The following DNAH12 variants were observed in gnomAD, a reference collection of about 807,000 sequenced individuals.
DNAH12 encodes the protein dynein axonemal heavy chain 12.
DNAH12 carries 285 observed loss-of-function variants against 371.5 expected under a neutral mutation model. The ratio of observed to expected loss-of-function variants is 0.77; its 90% CI spans 0.70 to 0.85. The LOEUF is 0.85. Ranked by LOEUF, DNAH12 falls within the 40% of genes least tolerant of loss-of-function variation. The probability of loss-of-function intolerance (pLI) is 0.00; values close to 1 mark genes in which losing one functional copy is unlikely to be tolerated. For missense variants in DNAH12, 3,611 were observed against 3,689.4 expected, an observed-to-expected ratio of 0.98 and a Z score of 0.55; for synonymous variants, 1,200 against 1,213.0, an observed-to-expected ratio of 0.99 and a Z score of 0.22.
At chr3:57,309,915 G>A (rs1027051519) in intron 67 of DNAH12, 61 bp from the exon 68 acceptor site, 6 of 1,401,632 alleles carry the variant, frequency 4.3e-6, no homozygotes, top group Admixed American at 4.9e-5. Flanking sequence ...GGGATGATCA[G>A]GATACGCTAC....
intron 55 of DNAH12, among the ~76,000 whole-genome samples, chr3:57,371,625 C>T (rs1367973308): frequency 6.6e-6 from 1 of 151,418 alleles, no homozygotes; most frequent in Non-Finnish European, 1.5e-5. Flanking sequence ...TGCACTACTA[C>T]ACTCCAGCCT....
intron 15 of DNAH12, among the ~76,000 whole-genome samples, 164 bp downstream of exon 15, chr3:57,471,308 A>G (rs1030558561): frequency 6.7e-6 from 1 of 149,354 alleles, no homozygotes; most frequent in African/African-American, 2.4e-5. Context: ...ACTATATATT[A>G]TAGTATTAGA....
Position 57,298,557 on chromosome 3 carries a change from CTTA to C in DNAH12, c.11395-1576_11395-1574del, listed in dbSNP as rs564663085. On this transcript the variant is annotated intron_variant, in intron 70 of 73. Coordinates refer to ENST00000495027, the MANE Select transcript of DNAH12 (RefSeq NM_001366028.2). ...CATGAGGGAACAAACTTCATTTTTG[CTTA>C]TGTCAGAATTTTTGTTACTTATAAT... Among the ~76,000 whole-genome samples the C allele has an allele frequency of 1.1e-4, 16 of 152,320 alleles. No homozygotes were observed. The South Asian group carries it at 3.3e-3, about 32-fold the overall frequency.
At chr3:57,510,556 C>T (rs1030798165) in intron 5 of DNAH12, among the ~76,000 whole-genome samples, 1 of 152,046 alleles carries the variant, frequency 6.6e-6, no homozygotes, top group Non-Finnish European at 1.5e-5. Flanking sequence ...AGGGGAATCG[C>T]TTCAACTCAG....
intron 4 of DNAH12, among the ~76,000 whole-genome samples, chr3:57,522,897 T>C (rs919665009): frequency 2.0e-5 from 3 of 152,082 alleles, no homozygotes; most frequent in Admixed American, 2.0e-4. Context: ...AGATTCTAAA[T>C]ACATATTTGC....
chr3:57,402,836 CAA>C (rs1402384627), intron 43 of DNAH12, among the ~76,000 whole-genome samples: 5 of 152,220 alleles, frequency 3.3e-5, no homozygotes, highest in Non-Finnish European at 7.4e-5. Context: ...ATTCCCAACA[CAA>C]AAAGATCGAT....
At chr3:57,399,031 T>C (rs2063801884) in intron 43 of DNAH12, among the ~76,000 whole-genome samples, 1 of 152,004 alleles carries the variant, frequency 6.6e-6, no homozygotes, top group African/African-American at 2.4e-5. Context: ...GAACAAAAAA[T>C]GGGGGAGGGG....
intron 58 of DNAH12, among the ~76,000 whole-genome samples, chr3:57,358,894 C>T (rs1041274957): frequency 2.6e-4 from 39 of 152,232 alleles, no homozygotes; most frequent in Non-Finnish European, 5.1e-4. Flanking sequence ...AAGCGATTCT[C>T]CTGCCTCAGC....
Position 57,334,800 on chromosome 3 carries a change from G to A in DNAH12, c.9815C>T (p.Pro3272Leu). Reference protein sequence around the residue: ...WEEICRASEFPAFRGLRQHFC... With the variant: ...WEEICRASEFLAFRGLRQHFC... ...CAATCACCTGAGTCCTCTGAAGGCA[G>A]GAAATTCACTTGCCCGACAGATTTC... Residue 3272 changes from proline to leucine, a missense_variant, in exon 61 of 74, where the codon CCT (proline) becomes CTT (leucine). Physicochemically the swap from Pro to Leu is moderately conservative, Grantham distance 98. Transcript: ENST00000495027. 1 of 1,551,388 alleles carries A rather than the reference G, an allele frequency of 6.4e-7. No individual in the cohort carries two copies. Among genetic ancestry groups the A allele is most frequent in the East Asian group, 2.4e-5 (1 of 40,900 alleles).
At chr3:57,553,013 C>T in the DNAH12 span, among the ~76,000 whole-genome samples, 1 of 151,920 alleles carries the variant, frequency 6.6e-6, no homozygotes, top group Admixed American at 6.6e-5. Context: ...CCTGTCTCTA[C>T]TAAAAATACA....
intron 43 of DNAH12, among the ~76,000 whole-genome samples, chr3:57,399,920 A>C (rs1477141957): frequency 6.6e-6 from 1 of 152,252 alleles, no homozygotes; most frequent in Non-Finnish European, 1.5e-5. Context: ...AATACATGTT[A>C]ATCAAATGTT....
intron 70 of DNAH12, among the ~76,000 whole-genome samples, chr3:57,299,943 C>A (rs774027982): frequency 7.9e-5 from 12 of 152,114 alleles, no homozygotes; most frequent in Non-Finnish European, 1.6e-4. Flanking sequence ...GAGGAAAGGG[C>A]CCCACGTGGG....
intron 59 of DNAH12, among the ~76,000 whole-genome samples, chr3:57,353,213 C>T (rs1241151950): frequency 6.6e-6 from 1 of 151,998 alleles, no homozygotes; most frequent in African/African-American, 2.4e-5. Context: ...ATATGGCTTT[C>T]AATTTTTTTC....
At position 57,538,622 on chromosome 3, in the gene DNAH12, A is replaced by G. The variant is rs1034720496; in HGVS notation, c.170+4079T>C. The stretch of plus-strand genomic sequence containing the variant: ...CTTCTGCTTTTCCTCCTGCCTTACC[A>G]GTTATACTTACACTACCTGCTGGTT... On this transcript the variant is annotated intron_variant, in intron 2 of 73. Coordinates refer to ENST00000495027, the MANE Select transcript of DNAH12 (RefSeq NM_001366028.2). 2.6e-5 allele frequency among the ~76,000 whole-genome samples: 4 copies of G among 152,302 alleles called. No individual in the cohort carries two copies. The East Asian group carries it at 7.7e-4, about 29-fold the overall frequency.
chr3:57,317,451 T>G (rs1360436534), intron 65 of DNAH12, among the ~76,000 whole-genome samples: 16 of 152,188 alleles, frequency 1.1e-4, no homozygotes, highest in Admixed American at 1.0e-3. Flanking sequence ...ATACCCTATA[T>G]AAGTGGAATC....
chr3:57,431,542 T>C (rs2064956021), intron 32 of DNAH12, among the ~76,000 whole-genome samples: 1 of 152,230 alleles, frequency 6.6e-6, no homozygotes, highest in South Asian at 2.1e-4. Context: ...CTCCTCATTT[T>C]CCCAATATTT....
At chr3:57,386,014 A>G (rs1263037931) in intron 47 of DNAH12, among the ~76,000 whole-genome samples, 1 of 152,206 alleles carries the variant, frequency 6.6e-6, no homozygotes, top group Non-Finnish European at 1.5e-5. Flanking sequence ...ATGACATGAT[A>G]CAAAGATCAA....
At chr3:57,501,482 G>T in intron 10 of DNAH12, 70 bp from the exon 11 acceptor site, 1 of 1,117,512 alleles carries the variant, frequency 8.9e-7, no homozygotes, top group South Asian at 1.5e-5. Context: ...TTTTTTATAT[G>T]ATCATGGAAT....
upstream of DNAH12, among the ~76,000 whole-genome samples, chr3:57,548,439 TG>T (rs2069595153): frequency 6.6e-6 from 1 of 152,194 alleles, no homozygotes; most frequent in South Asian, 2.1e-4. Flanking sequence ...CCAGGCTCAG[TG>T]GCTCAAACTT....
Sources: allele counts gnomAD v4.1 joint callset (sites outside exome capture counted in the v4.1 genomes callset), GRCh38; gene constraint gnomAD v4.1.1; transcripts MANE v1.5; gene names NCBI Gene and HGNC (gene_info 2026-07-23, HGNC 2026-07-21).